Variants in KIF16B observed in about 807,000 individuals in gnomAD.
The protein encoded by KIF16B is kinesin-like protein KIF16B.
A neutral mutation model predicts 156.3 loss-of-function variants in KIF16B; 98 were observed. The ratio of observed to expected loss-of-function variants is 0.63; its 90% confidence interval spans 0.53 to 0.74. The LOEUF is 0.74. Among genes scored for constraint, KIF16B ranks in the 30% least tolerant of loss-of-function variants. KIF16B has a pLI of 0.00. For synonymous variants in KIF16B, 564 were observed against 583.7 expected (o/e 0.97, Z 0.49); for missense variants, 1,421 against 1,606.5 (o/e 0.88, Z 1.97).
chr20:16,338,576 CATG>C (rs1214043819), intron 23 of KIF16B, among the ~76,000 whole-genome samples: 19 of 152,164 alleles, frequency 1.2e-4, no homozygotes, highest in Admixed American at 5.2e-4. Context: ...ACTTGAAAAC[CATG>C]AGAAATCCTC....
chr20:16,534,107 A>C (rs1470123421), intron 1 of KIF16B, among the ~76,000 whole-genome samples: 1 of 152,032 alleles, frequency 6.6e-6, no homozygotes, highest in Admixed American at 6.6e-5. Flanking sequence ...AAAATACAAA[A>C]ATTAGCCGAG....
At chr20:16,360,881 C>T (rs752913356) in intron 22 of KIF16B, among the ~76,000 whole-genome samples, 14 of 152,156 alleles carry the variant, frequency 9.2e-5, no homozygotes, top group East Asian at 1.9e-4. Context: ...GAACAGGAAG[C>T]GGCACTTACA....
At chr20:16,283,001 C>A (rs1451272457) in intron 25 of KIF16B, among the ~76,000 whole-genome samples, 1 of 152,200 alleles carries the variant, frequency 6.6e-6, no homozygotes, top group Non-Finnish European at 1.5e-5. Context: ...CATAAAACGT[C>A]ATTGGAACCT....
At chr20:16,313,005 A>T (rs529362999) in intron 24 of KIF16B, among the ~76,000 whole-genome samples, 1 of 152,092 alleles carries the variant, frequency 6.6e-6, no homozygotes, top group East Asian at 1.9e-4. Context: ...GAAGGTTCAG[A>T]TTTTGTTTAG....
intron 22 of KIF16B, among the ~76,000 whole-genome samples, chr20:16,363,426 CTTAT>C: frequency 6.6e-6 from 1 of 152,202 alleles, no homozygotes; most frequent in Non-Finnish European, 1.5e-5. Context: ...TTATCTGAGT[CTTAT>C]CTGTAATAGA....
At chr20:16,286,418 T>A (rs2063223175) in intron 25 of KIF16B, among the ~76,000 whole-genome samples, 1 of 152,148 alleles carries the variant, frequency 6.6e-6, no homozygotes, top group Non-Finnish European at 1.5e-5. Flanking sequence ...CTCCAGAGTC[T>A]GAAAAAATCT....
intron 10 of KIF16B, among the ~76,000 whole-genome samples, chr20:16,502,486 A>T (rs114055902): frequency 1.6e-3 from 240 of 152,280 alleles, no homozygotes; most frequent in African/African-American, 5.6e-3. Flanking sequence ...GTATATCAAA[A>T]ATTTTATCTG....
chr20:16,352,789 C>T (rs567165916), intron 23 of KIF16B, among the ~76,000 whole-genome samples: 219 of 152,272 alleles, frequency 1.4e-3, no homozygotes, highest in African/African-American at 5.2e-3. Flanking sequence ...AGCTACACCC[C>T]TGGCGTGTTG....
chr20:16,401,168 T>C (rs2065647647), intron 17 of KIF16B, among the ~76,000 whole-genome samples: 1 of 152,194 alleles, frequency 6.6e-6, no homozygotes, highest in South Asian at 2.1e-4. Flanking sequence ...AGAAAATGTG[T>C]ACTTGAAGTC....
intron 25 of KIF16B, among the ~76,000 whole-genome samples, chr20:16,295,548 A>G (rs1046604729): frequency 6.7e-6 from 1 of 150,166 alleles, no homozygotes; most frequent in African/African-American, 2.4e-5. Context: ...ATATAATTAT[A>G]TCTTATTATA....
intron 12 of KIF16B, among the ~76,000 whole-genome samples, chr20:16,463,874 G>C (rs907036541): frequency 2.0e-4 from 30 of 152,186 alleles, no homozygotes; most frequent in Admixed American, 2.0e-3. Flanking sequence ...TTTAATGACA[G>C]ATCACATTAG....
chr20:16,437,995 A>T (rs771689462), intron 12 of KIF16B, among the ~76,000 whole-genome samples: 78 of 151,160 alleles, frequency 5.2e-4, no homozygotes, highest in African/African-American at 1.6e-3. Context: ...ATAATAAAAA[A>T]AAAAAAACAG....
chr20:16,515,827 C>T (rs1163637789), intron 3 of KIF16B, among the ~76,000 whole-genome samples, 163 bp from the exon 4 acceptor site: 1 of 152,178 alleles, frequency 6.6e-6, no homozygotes, highest in Non-Finnish European at 1.5e-5. Flanking sequence ...GTAGACACCA[C>T]AGTTTTTAAT....
At chr20:16,429,047 G>A in intron 13 of KIF16B, 43 bp from the exon 14 acceptor site, 1 of 1,502,870 alleles carries the variant, frequency 6.7e-7, no homozygotes, top group South Asian at 1.1e-5. Context: ...AAGAAGAGAA[G>A]GAATAGCTTG....
intron 6 of KIF16B, 115 bp from the exon 7 acceptor site, chr20:16,508,215 A>ACCAC: frequency 8.4e-7 from 1 of 1,196,532 alleles, no homozygotes; most frequent in Non-Finnish European, 1.2e-6. Context: ...CTGTCTGAAG[A>ACCAC]CCTCACTTGT....
intron 12 of KIF16B, among the ~76,000 whole-genome samples, chr20:16,431,044 A>G (rs796678472): frequency 1.3e-5 from 2 of 152,154 alleles, no homozygotes; most frequent in African/African-American, 4.8e-5. Flanking sequence ...TGTTTGGTCT[A>G]AATACCATGC....
intron 23 of KIF16B, among the ~76,000 whole-genome samples, chr20:16,352,206 T>C (rs1323980104): frequency 6.6e-6 from 1 of 152,208 alleles, no homozygotes; most frequent in East Asian, 1.9e-4. Context: ...CACGGGTGTA[T>C]ACATATGTCA....
intron 12 of KIF16B, among the ~76,000 whole-genome samples, chr20:16,437,892 G>C (rs78330622): frequency 0.031 from 4,782 of 151,910 alleles, 116 homozygotes; most frequent in East Asian, 0.12. Context: ...CAGTACTTTG[G>C]GAGGCTGAGA....
intron 17 of KIF16B, among the ~76,000 whole-genome samples, chr20:16,402,080 T>A (rs6111093): frequency 0.34 from 50,930 of 151,798 alleles, 8,601 homozygotes; most frequent in East Asian, 0.47. Flanking sequence ...GCTTACTATA[T>A]CCCATCTACT....
Sources: allele counts gnomAD v4.1 joint callset (sites outside exome capture counted in the v4.1 genomes callset), GRCh38; gene constraint gnomAD v4.1.1; transcripts MANE v1.5; gene names NCBI Gene and HGNC (gene_info 2026-07-23, HGNC 2026-07-21).